The following LRBA variants were observed in gnomAD, a reference collection of about 807,000 sequenced individuals.
LRBA encodes the protein lipopolysaccharide-responsive and beige-like anchor protein.
LRBA carries 176 observed loss-of-function variants against 330.0 expected under a neutral mutation model. The observed-to-expected ratio is 0.53, with a 90% CI of 0.47 to 0.60. The LOEUF (loss-of-function observed/expected upper bound fraction) is 0.60, where lower values mean the gene tolerates loss of function less well. Ranked by LOEUF, LRBA falls within the 20% of genes least tolerant of loss-of-function variation. The pLI, the probability that LRBA is intolerant of heterozygous loss-of-function variation, is 0.00. For synonymous variants in LRBA, 1,230 were observed against 1,193.0 expected (o/e 1.03, Z -0.64); for missense variants, 3,259 against 3,444.8 (o/e 0.95, Z 1.35).
chr4:150,769,529 A>G (rs1397217125), intron 34 of LRBA, among the ~76,000 whole-genome samples: 3 of 152,220 alleles, frequency 2.0e-5, no homozygotes, highest in Admixed American at 6.5e-5. Flanking sequence ...AACTAAAGTC[A>G]TAATTAGAAG....
rs186200276 is a variant in LRBA, at chr4:150,746,453, G to A, written c.5646-11087C>T. Among the ~76,000 whole-genome samples, 103 of 150,988 alleles carry A rather than the reference G, an allele frequency of 6.8e-4. 2 individuals carry two copies. The highest frequency in any genetic ancestry group is 3.5e-3 in the Middle Eastern group (1 of 286). ...TCTTCATCATCCTACAGATCCAATA[G>A]ACCAAGTACTGCCCATTCTACCTCT... On this transcript the variant is annotated intron_variant, in intron 35 of 56. Transcript: ENST00000651943.
intron 40 of LRBA, among the ~76,000 whole-genome samples, chr4:150,585,606 G>T: frequency 6.6e-6 from 1 of 152,164 alleles, no homozygotes; most frequent in Admixed American, 6.5e-5. Flanking sequence ...GAATTGGTTT[G>T]TCTTGCTTAT....
At chr4:150,691,257 T>C (rs1270199103) in intron 36 of LRBA, among the ~76,000 whole-genome samples, 1 of 152,008 alleles carries the variant, frequency 6.6e-6, no homozygotes, top group Non-Finnish European at 1.5e-5. Flanking sequence ...AAGAACCATT[T>C]ATAAAATAAA....
intron 36 of LRBA, among the ~76,000 whole-genome samples, chr4:150,697,468 A>G (rs1784752459): frequency 1.3e-5 from 2 of 152,048 alleles, no homozygotes; most frequent in South Asian, 4.1e-4. Flanking sequence ...ACAAGCTCAA[A>G]TAAATGCATT....
chr4:150,836,533 G>GGTGTGT, intron 28 of LRBA, among the ~76,000 whole-genome samples: 1 of 150,138 alleles, frequency 6.7e-6, no homozygotes, highest in South Asian at 2.1e-4. Context: ...GTCTTGGGAG[G>GGTGTGT]GTGTCCAGGA....
At chr4:150,990,341 A>C (rs1579423090) in intron 2 of LRBA, among the ~76,000 whole-genome samples, 1 of 152,236 alleles carries the variant, frequency 6.6e-6, no homozygotes, top group East Asian at 1.9e-4. Flanking sequence ...GTCTATATTT[A>C]TCATCCAGAA....
At chr4:150,947,043 T>A (rs1736324120) in intron 2 of LRBA, among the ~76,000 whole-genome samples, 1 of 151,970 alleles carries the variant, frequency 6.6e-6, no homozygotes. Context: ...ATAATTTGAA[T>A]AATCCTATAA....
intron 47 of LRBA, among the ~76,000 whole-genome samples, chr4:150,403,168 C>A (rs1165534881): frequency 1.3e-5 from 2 of 152,202 alleles, no homozygotes; most frequent in Non-Finnish European, 2.9e-5. Context: ...CTGCAGGTGC[C>A]ATGGCCCAGT....
At chr4:150,840,351 T>G (rs1340251368) in intron 28 of LRBA, among the ~76,000 whole-genome samples, 4 of 152,242 alleles carry the variant, frequency 2.6e-5, no homozygotes, top group Non-Finnish European at 5.9e-5. Flanking sequence ...ATATATCATC[T>G]TCACTAAGCT....
intron 37 of LRBA, among the ~76,000 whole-genome samples, chr4:150,643,914 G>A (rs1778905433): frequency 6.6e-6 from 1 of 151,896 alleles, no homozygotes; most frequent in South Asian, 2.1e-4. Flanking sequence ...TGCTGGTTTT[G>A]CACTACAAAA....
intron 42 of LRBA, among the ~76,000 whole-genome samples, chr4:150,487,341 G>C (rs1049778676): frequency 9.9e-5 from 15 of 150,844 alleles, no homozygotes; most frequent in African/African-American, 2.4e-4. Flanking sequence ...TAAAAGGTTA[G>C]TATTTAAACT....
At chr4:150,340,998 A>C (rs1002328433) in intron 48 of LRBA, among the ~76,000 whole-genome samples, 6 of 152,198 alleles carry the variant, frequency 3.9e-5, no homozygotes, top group Non-Finnish European at 8.8e-5. Context: ...TTACAGTTTC[A>C]AATACCACTT....
intron 34 of LRBA, among the ~76,000 whole-genome samples, chr4:150,776,576 G>A (rs1305027094): frequency 6.6e-6 from 1 of 152,156 alleles, no homozygotes; most frequent in African/African-American, 2.4e-5. Flanking sequence ...CACTTTAGGA[G>A]ACCAAGGCCA....
chr4:150,498,273 A>G (rs1759819378), intron 40 of LRBA, among the ~76,000 whole-genome samples: 1 of 152,116 alleles, frequency 6.6e-6, no homozygotes, highest in Non-Finnish European at 1.5e-5. Flanking sequence ...CAGACTCTTT[A>G]CTTGGTTGTT....
chr4:150,648,164 A>AAAAAAAAAAAAAAAAAAAAAAC (rs1210537029), intron 37 of LRBA, among the ~76,000 whole-genome samples: 1 of 141,124 alleles, frequency 7.1e-6, no homozygotes, highest in African/African-American at 2.5e-5. Flanking sequence ...GTAGCAAAAA[A>AAAAAAAAAAAAAAAAAAAAAAC]AAAAAAAAAA....
chr4:150,683,701 T>C lies in LRBA; in HGVS notation c.5771A>G (p.Tyr1924Cys). Residue 1924 changes from tyrosine to cysteine, a missense_variant, in exon 37 of 57, where the codon TAT becomes TGT. Tyr to Cys is a radical substitution (Grantham distance 194). Coordinates refer to ENST00000651943, the MANE Select transcript of LRBA (RefSeq NM_001364905.1). Reference protein sequence around the residue: ...HAEFESLCAQYSADKREDEKM... With the variant: ...HAEFESLCAQCSADKREDEKM... Reference sequence around the variant, plus strand: ...CTCATCTTCTCGTTTGTCTGCAGAATACTGGGCACACAGTGACTTGGAGAG... The same window carrying C: ...CTCATCTTCTCGTTTGTCTGCAGAACACTGGGCACACAGTGACTTGGAGAG... The C allele has an allele frequency of 6.2e-7, 1 of 1,611,208 alleles. No individual in the cohort carries two copies. The highest frequency in any genetic ancestry group is 8.5e-7 in the Non-Finnish European group (1 of 1,178,214).
chr4:151,002,691 T>C (rs920425649), intron 2 of LRBA, among the ~76,000 whole-genome samples: 1 of 149,766 alleles, frequency 6.7e-6, no homozygotes, highest in African/African-American at 2.5e-5. Context: ...AAGAGATAGA[T>C]GATATTAAAA....
At chr4:150,714,896 GTC>G (rs1582127461) in intron 36 of LRBA, among the ~76,000 whole-genome samples, 2 of 152,104 alleles carry the variant, frequency 1.3e-5, no homozygotes, top group Non-Finnish European at 2.9e-5. Context: ...AGACACCAGA[GTC>G]AATATTATTT....
chr4:150,423,191 C>T lies in LRBA; in HGVS notation c.7042-7601G>A, dbSNP rs543511461. On this transcript the variant is annotated intron_variant, in intron 46 of 56. Transcript: ENST00000651943. ...TCCCTCCGGTCCCCCTTCTTGTTGG[C>T]TTTCTTGGCTCTGGAGAAGTCGTTC... is the stretch of plus-strand genomic sequence containing the variant. 73 of 1,379,728 alleles carry T rather than the reference C, an allele frequency of 5.3e-5. No individual in the cohort carries two copies. In the African/African-American group the frequency reaches 9.9e-4, roughly 19 times the overall value. The allele number at this position is 1,379,728 out of a possible 1,614,324, so 85.5% of individuals were successfully genotyped here.
Sources: gnomAD v4.1 joint callset for allele counts (sites outside exome capture counted in the v4.1 genomes callset) on GRCh38, gnomAD v4.1.1 for gene constraint, MANE v1.5 for transcripts, NCBI Gene and HGNC (gene_info 2026-07-23, HGNC 2026-07-21) for gene names.